Variants in USP15 observed in about 807,000 individuals in gnomAD.
USP15 encodes ubiquitin carboxyl-terminal hydrolase 15.
USP15 carries 18 observed loss-of-function variants against 127.1 expected under a neutral mutation model. That is an observed-to-expected ratio of 0.14 (90% CI 0.10 to 0.21). The LOEUF (loss-of-function observed/expected upper bound fraction) is 0.21, where lower values mean the gene tolerates loss of function less well. Among genes scored for constraint, USP15 ranks in the 10% least tolerant of loss-of-function variants. The probability of loss-of-function intolerance (pLI) is 1.00; values close to 1 mark genes in which losing one functional copy is unlikely to be tolerated. For missense variants in USP15, 805 were observed against 1,159.9 expected, an observed-to-expected ratio of 0.69 and a Z score of 4.44; for synonymous variants, 364 against 393.7, an observed-to-expected ratio of 0.92 and a Z score of 0.89.
At chr12:62,331,406 A>G (rs964302592) in intron 6 of USP15, among the ~76,000 whole-genome samples, 6 of 152,214 alleles carry the variant, frequency 3.9e-5, no homozygotes, top group Non-Finnish European at 8.8e-5. Flanking sequence ...TTTGTAGGTG[A>G]TGTTTATTGA....
chr12:62,396,472 T>A (rs2067494010), intron 20 of USP15, 74 bp downstream of exon 20: 14 of 1,204,502 alleles, frequency 1.2e-5, no homozygotes, highest in Non-Finnish European at 1.7e-5. Flanking sequence ...TTAAGATATT[T>A]ATTACTTCTT....
chr12:62,318,181 A>G (rs2064884370), intron 4 of USP15, among the ~76,000 whole-genome samples: 1 of 152,046 alleles, frequency 6.6e-6, no homozygotes, highest in Admixed American at 6.6e-5. Flanking sequence ...TTACAGTTAA[A>G]CCCTAGGCTG....
intron 6 of USP15, chr12:62,328,229 A>T (rs1233769396): frequency 1.2e-5 from 5 of 430,578 alleles, no homozygotes; most frequent in Non-Finnish European, 2.3e-5. Flanking sequence ...TATAAGATTA[A>T]TTTATAAAAA....
intron 8 of USP15, among the ~76,000 whole-genome samples, chr12:62,367,860 ATTTG>A (rs1481993346): frequency 6.6e-6 from 1 of 151,844 alleles, no homozygotes; most frequent in African/African-American, 2.4e-5. Context: ...TATCTTTTGA[ATTTG>A]TTTGCTCTTG....
chr12:62,348,872 G>A (rs2065893377), intron 6 of USP15, among the ~76,000 whole-genome samples: 1 of 152,078 alleles, frequency 6.6e-6, no homozygotes, highest in Non-Finnish European at 1.5e-5. Flanking sequence ...GAGAAACAAA[G>A]TAGAATAGTT....
chr12:62,316,570 A>C (rs2064836699), intron 4 of USP15, among the ~76,000 whole-genome samples: 1 of 152,108 alleles, frequency 6.6e-6, no homozygotes, highest in South Asian at 2.1e-4. Context: ...TCGTCTCTGA[A>C]GTTTATAGCC....
intron 1 of USP15, among the ~76,000 whole-genome samples, chr12:62,287,308 CT>C (rs768502070): frequency 3.3e-5 from 5 of 152,084 alleles, no homozygotes; most frequent in Non-Finnish European, 5.9e-5. Flanking sequence ...TATGTACCCC[CT>C]GAATCTAATA....
intron 1 of USP15, among the ~76,000 whole-genome samples, chr12:62,285,131 G>A (rs2063753825): frequency 6.6e-6 from 1 of 152,080 alleles, no homozygotes; most frequent in African/African-American, 2.4e-5. Flanking sequence ...TAGATTTAGG[G>A]ACTACAAATG....
At chr12:62,399,127 C>T (rs1417199908) in intron 20 of USP15, among the ~76,000 whole-genome samples, 2 of 152,204 alleles carry the variant, frequency 1.3e-5, no homozygotes, top group Non-Finnish European at 2.9e-5. Flanking sequence ...AGTGCAGCAT[C>T]TGCTCTGCAC....
intron 8 of USP15, among the ~76,000 whole-genome samples, chr12:62,361,940 T>C (rs1317831853): frequency 1.3e-5 from 2 of 152,080 alleles, no homozygotes; most frequent in East Asian, 1.9e-4. Flanking sequence ...TATAAACCCA[T>C]ATTAAAACAT....
chr12:62,375,405 A>G (rs2066795185), intron 8 of USP15, among the ~76,000 whole-genome samples: 1 of 152,136 alleles, frequency 6.6e-6, no homozygotes, highest in Admixed American at 6.6e-5. Flanking sequence ...AGTCTCTCTA[A>G]GGACTACTTC....
At chr12:62,400,586 G>T (rs1592740232) in intron 20 of USP15, among the ~76,000 whole-genome samples, 1 of 141,636 alleles carries the variant, frequency 7.1e-6, no homozygotes, top group African/African-American at 2.7e-5. Context: ...CTACACTTTT[G>T]TTAAAGACTA....
chr12:62,355,976 C>T (rs1258187688), intron 8 of USP15, among the ~76,000 whole-genome samples: 1 of 150,998 alleles, frequency 6.6e-6, no homozygotes, highest in Non-Finnish European at 1.5e-5. Flanking sequence ...TCCCCTGCCC[C>T]CACCCCCTTT....
In USP15 at chr12:62,404,265, C is replaced by T. The variant is rs373511699; in HGVS notation, c.2836C>T (p.Arg946Ter). The T allele has an allele frequency of 9.9e-6, 16 of 1,612,970 alleles. No homozygotes were observed. The highest frequency in any genetic ancestry group is 1.4e-5 in the Non-Finnish European group (16 of 1,179,374). The stretch of plus-strand genomic sequence containing the variant: ...TGGAACTGGCTTTTTTCCTCTTGAC[C>T]GAGAAACTAAAGGTGCTTCAGCTGC... ...FSGTGFFPLD[R>*]ETKGASAATG... The change falls in exon 22 of 22, where the codon CGA (arginine) becomes TGA (stop). Residue 946 changes from arginine (R) to a stop codon, truncating the protein, a stop_gained. Transcript: ENST00000280377. LOFTEE classifies it high-confidence loss of function.
chr12:62,264,813 A>G lies in USP15; in HGVS notation c.89+4310A>G, dbSNP rs138216452. Among the ~76,000 whole-genome samples, 619 of 152,346 alleles carry G rather than the reference A, an allele frequency of 4.1e-3. 6 individuals are homozygous for G. The highest frequency in any genetic ancestry group is 0.014 in the African/African-American group (602 of 41,586). On this transcript the variant is annotated intron_variant, in intron 1 of 21. Coordinates refer to ENST00000280377, the MANE Select transcript of USP15 (RefSeq NM_001252078.2). ...ACATGAATTTCAAAATATTTAGTGT[A>G]TACTTAAAGAAATTTTTATATTACT...
chr12:62,384,915 T>A (rs2137584255), intron 11 of USP15, among the ~76,000 whole-genome samples: 1 of 152,036 alleles, frequency 6.6e-6, no homozygotes, highest in Admixed American at 6.6e-5. Flanking sequence ...TATAATTGGA[T>A]TATTTATATT....
chr12:62,404,035 T>C (rs1259373254), intron 21 of USP15, among the ~76,000 whole-genome samples, 158 bp from the exon 22 acceptor site: 1 of 150,122 alleles, frequency 6.7e-6, no homozygotes. Context: ...GAAATCATCT[T>C]ATATTTAATG....
At chr12:62,287,547 C>G (rs1223931482) in intron 1 of USP15, among the ~76,000 whole-genome samples, 1 of 152,072 alleles carries the variant, frequency 6.6e-6, no homozygotes, top group African/African-American at 2.4e-5. Flanking sequence ...ATTTCCTTTG[C>G]TGTACAGAAG....
intron 1 of USP15, among the ~76,000 whole-genome samples, chr12:62,264,470 A>T (rs1051032413): frequency 6.6e-6 from 1 of 152,222 alleles, no homozygotes; most frequent in African/African-American, 2.4e-5. Flanking sequence ...CAGTTTAGCA[A>T]AACATTGCAT....
Sources: allele counts gnomAD v4.1 joint callset (sites outside exome capture counted in the v4.1 genomes callset), GRCh38; gene constraint gnomAD v4.1.1; transcripts MANE v1.5; gene names NCBI Gene and HGNC (gene_info 2026-07-23, HGNC 2026-07-21).